Variants in GDPD3 observed in about 807,000 individuals in gnomAD.
GDPD3 encodes the protein glycerophosphodiester phosphodiesterase domain containing 3, also known as lysophospholipase D GDPD3.
A neutral mutation model predicts 43.7 loss-of-function variants in GDPD3; 40 were observed. The observed-to-expected ratio is 0.91, with a 90% CI of 0.71 to 1.19. The LOEUF is 1.19. Ranked by LOEUF, GDPD3 falls within the 50% of genes most tolerant of loss-of-function variation. The pLI is 0.00. For missense variants in GDPD3, 363 were observed against 415.8 expected (o/e 0.87, Z 1.11); for synonymous variants, 145 against 162.9 (o/e 0.89, Z 0.84).
chr16:30,112,702 G>T lies in GDPD3; in HGVS notation c.274C>A (p.Arg92Ser). ...VVVSHDENLC[R>S]QSGLNRDVGS... ...ACATCCCTGTTTAGGCCCGACTGGC[G>T]GCACAGGTTCTCATCATGTGACACC... The change falls in exon 3 of 10, where the codon CGC becomes AGC. Residue 92 changes from arginine (R) to serine (S), a missense_variant. Transcript: ENST00000406256. This position sits in a 1 kb window ranked among gnomAD's most constrained non-coding sequence, Gnocchi z 5.4. 12 of 1,613,904 alleles carry T rather than the reference G, an allele frequency of 7.4e-6. No individual in the cohort carries two copies. The highest frequency in any genetic ancestry group is 1.3e-5 in the African/African-American group (1 of 74,998).
At chr16:30,108,956 T>C (rs190156282) in intron 7 of GDPD3, among the ~76,000 whole-genome samples, 2,193 of 151,976 alleles carry the variant, frequency 0.014, 23 homozygotes, top group Middle Eastern at 0.024. Flanking sequence ...CTCAGCCTCT[T>C]GAGTAGCTGG....
At chr16:30,109,788 A>G (rs746892157) in intron 7 of GDPD3, among the ~76,000 whole-genome samples, 5 of 151,964 alleles carry the variant, frequency 3.3e-5, no homozygotes, top group Non-Finnish European at 7.4e-5. Flanking sequence ...CTGGGCAAAA[A>G]GAGCAAAACT....
In GDPD3 at chr16:30,112,971, A is replaced by T. The variant is rs1455844082; in HGVS notation, c.182+51T>A. 6 of 1,570,976 alleles carry T rather than the reference A, an allele frequency of 3.8e-6. No homozygotes were observed. In the African/African-American group the frequency reaches 4.0e-5, roughly 11 times the overall value. ...GGCGTCCCTTGCTGTGATGCAGTCC[A>T]CGACCTGCACACCCTCACATGGCAG... On this transcript the variant is annotated intron_variant, in intron 2 of 9. Transcript: ENST00000406256. The surrounding 1 kb of genome is among the most constrained non-coding windows in gnomAD (Gnocchi z 5.4).
chr16:30,113,070 G>A lies in GDPD3; in HGVS notation c.140-6C>T, dbSNP rs1241675938. ...CTCCAGCAGCTCTCCAGATCCTGTG[G>A]GGGGCACTGGAGTGGGCCTCTGGGG... On this transcript the variant is annotated splice_region_variant and splice_polypyrimidine_tract_variant and intron_variant, in intron 1 of 9. Transcript: ENST00000406256. The surrounding 1 kb of genome is among the most constrained non-coding windows in gnomAD (Gnocchi z 5.9). 1.2e-6 allele frequency: 2 copies of A among 1,612,552 alleles called. No homozygotes were observed. The highest frequency in any genetic ancestry group is 4.5e-5 in the East Asian group (2 of 44,874).
intron 7 of GDPD3, 195 bp downstream of exon 7, chr16:30,111,193 C>A: frequency 1.6e-6 from 1 of 612,094 alleles, no homozygotes; most frequent in South Asian, 2.1e-5. Context: ...TATCCTAAAA[C>A]TCCACATATG....
At chr16:30,106,520 G>A (rs1239484390) in intron 9 of GDPD3, among the ~76,000 whole-genome samples, 2 of 152,048 alleles carry the variant, frequency 1.3e-5, no homozygotes, top group African/African-American at 4.8e-5. Flanking sequence ...GGTAGGCGGA[G>A]ATGGGAATTT....
Position 30,111,539 on chromosome 16 carries a change from G to C in GDPD3, c.574-18C>G. ...TCGGGGTTCTGGGGAGGCAAGGAGA[G>C]GCATGAGAATCTGTCTGCTCTGGGG... is the stretch of plus-strand genomic sequence containing the variant. On this transcript the variant is annotated intron_variant, in intron 6 of 9. Coordinates refer to ENST00000406256, the MANE Select transcript of GDPD3 (RefSeq NM_024307.3). 6.2e-7 allele frequency: 1 copy of C among 1,613,296 alleles called. No homozygotes were observed. Among genetic ancestry groups the C allele is most frequent in the Non-Finnish European group, 8.5e-7 (1 of 1,179,568 alleles).
At chr16:30,109,473 C>G (rs566684564) in intron 7 of GDPD3, among the ~76,000 whole-genome samples, 2 of 152,056 alleles carry the variant, frequency 1.3e-5, no homozygotes, top group Non-Finnish European at 2.9e-5. Context: ...CGCACTACTG[C>G]ACTCCAGCCT....
intron 6 of GDPD3, 69 bp from the exon 7 acceptor site, chr16:30,111,590 G>C: frequency 6.4e-7 from 1 of 1,556,094 alleles, no homozygotes; most frequent in Admixed American, 1.7e-5. Flanking sequence ...ATGAGCTGCA[G>C]GGGAGCCGTG....
At chr16:30,106,030 G>C (rs867685265) in intron 9 of GDPD3, among the ~76,000 whole-genome samples, 1 of 151,960 alleles carries the variant, frequency 6.6e-6, no homozygotes, top group South Asian at 2.1e-4. Flanking sequence ...AGAATCGCTT[G>C]AACCCAGGAG....
Position 30,112,684 on chromosome 16 carries a change from T to C in GDPD3, c.292A>G (p.Arg98Gly). ...TCGAAGTCCAGGCTGCCCACATCCC[T>C]GTTTAGGCCCGACTGGCGGCACAGG... ...ENLCRQSGLNRDVGSLDFEDL... is the reference protein window; with the variant it reads ...ENLCRQSGLNGDVGSLDFEDL... The change falls in exon 3 of 10, where the codon AGG becomes GGG. Residue 98 changes from arginine to glycine, a missense_variant. Physicochemically the swap from Arg to Gly is moderately radical, Grantham distance 125. Coordinates refer to ENST00000406256, the MANE Select transcript of GDPD3 (RefSeq NM_024307.3). The surrounding 1 kb of genome is among the most constrained non-coding windows in gnomAD (Gnocchi z 5.4). 1 of 1,614,036 alleles carries C rather than the reference T, an allele frequency of 6.2e-7. No homozygotes were observed. The highest frequency in any genetic ancestry group is 2.2e-5 in the East Asian group (1 of 44,872).
At position 30,112,964 on chromosome 16, in the gene GDPD3, G is replaced by C. The variant is rs1453504385; in HGVS notation, c.182+58C>G. 6.4e-7 allele frequency: 1 copy of C among 1,555,144 alleles called. No homozygotes were observed. Among genetic ancestry groups the C allele is most frequent in the Admixed American group, 1.7e-5 (1 of 58,946 alleles). ...AGTGAATGGCGTCCCTTGCTGTGATGCAGTCCACGACCTGCACACCCTCAC... is the reference window on the plus strand; with the variant it reads ...AGTGAATGGCGTCCCTTGCTGTGATCCAGTCCACGACCTGCACACCCTCAC... On this transcript the variant is annotated intron_variant, in intron 2 of 9. Transcript: ENST00000406256. This position sits in a 1 kb window ranked among gnomAD's most constrained non-coding sequence, Gnocchi z 5.4.
rs1567351915 is a variant in GDPD3 at position 30,112,554 on chromosome 16, G to T, written c.333C>A (p.Tyr111Ter). 1 of 1,614,156 alleles carries T rather than the reference G, an allele frequency of 6.2e-7. No individual in the cohort carries two copies. The highest frequency in any genetic ancestry group is 8.5e-7 in the Non-Finnish European group (1 of 1,180,024). Reference sequence around the variant, plus strand: ...AGAAGTAAACCTCCAGCTTCTCCTTGTAGAGGGGCAGGTCCTGGGGAGGAC... The same window carrying T: ...AGAAGTAAACCTCCAGCTTCTCCTTTTAGAGGGGCAGGTCCTGGGGAGGAC... ...GSLDFEDLPL[Y>*]KEKLEVYFSP... Residue 111 changes from tyrosine (Y) to a stop codon, truncating the protein, a stop_gained, in exon 4 of 10, where the codon TAC (tyrosine) becomes TAA (stop). Transcript: ENST00000406256. LOFTEE classifies it high-confidence loss of function. The surrounding 1 kb of genome is among the most constrained non-coding windows in gnomAD (Gnocchi z 5.4).
Position 30,112,818 on chromosome 16 carries a change from G to A in GDPD3, c.183-25C>T, listed in dbSNP as rs781121631. 2 of 1,602,572 alleles carry A rather than the reference G, an allele frequency of 1.2e-6. No homozygotes were observed. Among genetic ancestry groups the A allele is most frequent in the South Asian group, 2.2e-5 (2 of 91,022 alleles). ...GCTGTGGGGGTGAAGGTCAGCGGGG[G>A]GCAGGGGCAGGGGACTGGGATGAGG... On this transcript the variant is annotated intron_variant, in intron 2 of 9. Coordinates refer to ENST00000406256, the MANE Select transcript of GDPD3 (RefSeq NM_024307.3). The surrounding 1 kb of genome is among the most constrained non-coding windows in gnomAD (Gnocchi z 5.4).
At chr16:30,109,120 G>A (rs577508219) in intron 7 of GDPD3, among the ~76,000 whole-genome samples, 23 of 152,094 alleles carry the variant, frequency 1.5e-4, no homozygotes, top group Admixed American at 2.6e-4. Flanking sequence ...GTGAGCCACC[G>A]TGCCCGGCCA....
intron 9 of GDPD3, among the ~76,000 whole-genome samples, chr16:30,106,327 G>A (rs2072860542): frequency 6.6e-6 from 1 of 152,060 alleles, no homozygotes. Context: ...GCCTGAAACT[G>A]GCCAAGATGG....
chr16:30,108,234 G>C lies in GDPD3; in HGVS notation c.798C>G (p.His266Gln). 6.2e-7 allele frequency: 1 copy of C among 1,607,882 alleles called. No homozygotes were observed. The highest frequency in any genetic ancestry group is 2.2e-5 in the East Asian group (1 of 44,688). The stretch of plus-strand genomic sequence containing the variant: ...TCACCTGCACCCCTCGCTCCTCCAA[G>C]TGTCGGATCAGACTCTTCCTCATGA... Reference protein sequence around the residue: ...WLIMRKSLIRHLEERGVQVVF... With the variant: ...WLIMRKSLIRQLEERGVQVVF... Residue 266 changes from histidine to glutamine, a missense_variant, in exon 9 of 10, where the codon CAC (histidine) becomes CAG (glutamine). Transcript: ENST00000406256.
chr16:30,105,448 CCT>C lies in GDPD3; in HGVS notation c.820-441_820-440del, dbSNP rs2072851797. ...CTCCAGCCTGGGCGATACAACAAGA[CCT>C]CGTCTCAAAAAAAAAAAAAAAATTA... On this transcript the variant is annotated intron_variant, in intron 9 of 9. Coordinates refer to ENST00000406256, the MANE Select transcript of GDPD3 (RefSeq NM_024307.3). Among the ~76,000 whole-genome samples, 6 of 145,662 alleles carry C rather than the reference CCT, an allele frequency of 4.1e-5. No individual in the cohort carries two copies. In the South Asian group the frequency reaches 1.3e-3, roughly 31 times the overall value.
At chr16:30,111,825 C>T (rs1348270256) in intron 6 of GDPD3, 23 of 528,620 alleles carry the variant, frequency 4.4e-5, no homozygotes, top group Middle Eastern at 5.1e-4. Flanking sequence ...CCCAGCTACT[C>T]GGGAGGCTGA....
Sources: gnomAD v4.1 joint callset for allele counts (sites outside exome capture counted in the v4.1 genomes callset) on GRCh38, gnomAD v4.1.1 for gene constraint, Gnocchi (gnomAD v3.1) non-coding constraint, MANE v1.5 for transcripts, NCBI Gene and HGNC (gene_info 2026-07-23, HGNC 2026-07-21) for gene names.